Variants in TEX11 observed in about 807,000 individuals in gnomAD.
The protein encoded by TEX11 is testis-expressed protein 11.
TEX11 carries 7 observed loss-of-function variants against 84.4 expected under a neutral mutation model. The observed-to-expected ratio is 0.08, with a 90% CI of 0.05 to 0.16. TEX11 has a LOEUF of 0.16. Ranked by LOEUF, TEX11 falls within the 10% of genes least tolerant of loss-of-function variation. The pLI, the probability that TEX11 is intolerant of heterozygous loss-of-function variation, is 1.00. For synonymous variants in TEX11, 264 were observed against 222.8 expected (o/e 1.18, Z -1.64); for missense variants, 551 against 660.5 (o/e 0.83, Z 1.82).
intron 9 of TEX11, among the ~76,000 whole-genome samples, chrX:70,771,648 C>T (rs1474437134): frequency 1.8e-5 from 2 of 112,443 alleles, no homozygotes; most frequent in Non-Finnish European, 3.8e-5. Flanking sequence ...TTTTGTGATG[C>T]TTAAGATTTT....
intron 9 of TEX11, among the ~76,000 whole-genome samples, chrX:70,769,876 G>A (rs1438906380): frequency 9.0e-6 from 1 of 111,479 alleles, no homozygotes; most frequent in African/African-American, 3.3e-5. Flanking sequence ...TTAAAAATAA[G>A]CCTTGTATAG....
intron 4 of TEX11, among the ~76,000 whole-genome samples, chrX:70,869,309 GA>G (rs1218884533): frequency 1.2e-4 from 12 of 103,289 alleles, no homozygotes; most frequent in South Asian, 4.4e-4. Context: ...TCCTTACCTT[GA>G]AAAAAAAAAT....
intron 4 of TEX11, among the ~76,000 whole-genome samples, chrX:70,872,402 T>C (rs1349283299): frequency 8.9e-6 from 1 of 112,902 alleles, no homozygotes; most frequent in African/African-American, 3.2e-5. Flanking sequence ...TTCACAAAGA[T>C]AAATAGTTAG....
intron 13 of TEX11, among the ~76,000 whole-genome samples, chrX:70,685,365 CA>C (rs940357741): frequency 9.2e-6 from 1 of 108,778 alleles, no homozygotes; most frequent in Non-Finnish European, 1.9e-5. Flanking sequence ...GACTCTGTCT[CA>C]AAAAAAAATG....
chrX:70,840,211 G>A (rs1486007826), intron 7 of TEX11, among the ~76,000 whole-genome samples: 2 of 111,567 alleles, frequency 1.8e-5, no homozygotes, highest in East Asian at 5.6e-4. Flanking sequence ...AGGAAAAAAC[G>A]TTAAGGGCAG....
chrX:70,688,809 A>T (rs1031927324), intron 13 of TEX11, among the ~76,000 whole-genome samples: 14 of 104,478 alleles, frequency 1.3e-4, no homozygotes, highest in African/African-American at 2.1e-4. Flanking sequence ...TTGATATTTT[A>T]TATATATATA....
At chrX:70,668,575 G>T (rs1000503390) in intron 16 of TEX11, among the ~76,000 whole-genome samples, 1 of 111,987 alleles carries the variant, frequency 8.9e-6, no homozygotes, top group Non-Finnish European at 1.9e-5. Flanking sequence ...CACTAATCTG[G>T]CCATAAATGA....
intron 9 of TEX11, among the ~76,000 whole-genome samples, chrX:70,778,759 A>C (rs768996913): frequency 9.0e-6 from 1 of 111,500 alleles, no homozygotes; most frequent in African/African-American, 3.3e-5. Flanking sequence ...AAAATTTTGA[A>C]ATTTAAAAAA....
chrX:70,788,967 TATATATAGAG>T (rs1241043962), intron 9 of TEX11, among the ~76,000 whole-genome samples: 35 of 31,975 alleles, frequency 1.1e-3, no homozygotes, highest in East Asian at 2.9e-3. Context: ...TATATATATA[TATATATAGAG>T]AGAGAGAGAG....
intron 12 of TEX11, chrX:70,723,999 G>A (rs1278851264): frequency 1.6e-6 from 1 of 615,940 alleles, no homozygotes; most frequent in East Asian, 1.7e-4. Flanking sequence ...GCAACTTCGG[G>A]AGTATCTAGA....
At chrX:70,872,748 C>T (rs1395331385) in intron 4 of TEX11, among the ~76,000 whole-genome samples, 1 of 111,981 alleles carries the variant, frequency 8.9e-6, no homozygotes, top group Non-Finnish European at 1.9e-5. Flanking sequence ...CTCAGTAACT[C>T]ATTCCAATGT....
intron 11 of TEX11, among the ~76,000 whole-genome samples, chrX:70,733,707 G>A (rs181591545): frequency 9.0e-6 from 1 of 111,667 alleles, no homozygotes; most frequent in East Asian, 2.8e-4. Flanking sequence ...CTACTGGTCG[G>A]ACTGTAAACT....
intron 2 of TEX11, among the ~76,000 whole-genome samples, chrX:70,887,980 T>C (rs944026786): frequency 7.1e-5 from 8 of 113,204 alleles, no homozygotes; most frequent in Non-Finnish European, 7.5e-5. Flanking sequence ...CAAGGTGGTA[T>C]CTCTACGAGT....
intron 13 of TEX11, among the ~76,000 whole-genome samples, chrX:70,689,678 C>G (rs1236091991): frequency 1.8e-5 from 2 of 111,670 alleles, no homozygotes; most frequent in African/African-American, 6.5e-5. Flanking sequence ...TACATATTCC[C>G]AAGTCCGTAT....
At chrX:70,518,904 A>T in the TEX11 span, among the ~76,000 whole-genome samples, 4 of 111,550 alleles carry the variant, frequency 3.6e-5, no homozygotes, top group Non-Finnish European at 5.7e-5. Context: ...GTTGGTTTAA[A>T]GTCTGTTTTA....
chrX:70,837,282 G>A (rs1183755327), intron 7 of TEX11, among the ~76,000 whole-genome samples: 2 of 111,167 alleles, frequency 1.8e-5, no homozygotes, highest in Admixed American at 9.6e-5. Context: ...AACAGGGCTT[G>A]GCACGTTGAC....
At chrX:70,600,290 G>A (rs1197302472) in intron 24 of TEX11, among the ~76,000 whole-genome samples, 5 of 111,383 alleles carry the variant, frequency 4.5e-5, no homozygotes, top group South Asian at 3.9e-4. Flanking sequence ...ACATTTTTTC[G>A]TGTGTTTTTT....
At chrX:70,736,719 G>A (rs890207111) in intron 11 of TEX11, among the ~76,000 whole-genome samples, 4 of 111,455 alleles carry the variant, frequency 3.6e-5, no homozygotes, top group African/African-American at 1.3e-4. Flanking sequence ...ACATCTGGCT[G>A]ATGCCAATAA....
chrX:70,852,477 A>C (rs4844268), intron 7 of TEX11, among the ~76,000 whole-genome samples: 25,657 of 111,660 alleles, frequency 0.23, 2,199 homozygotes, highest in Middle Eastern at 0.31. Context: ...GGCACGAGCC[A>C]CCATGCCCAG....
Sources: allele counts gnomAD v4.1 joint callset (sites outside exome capture counted in the v4.1 genomes callset), GRCh38; gene constraint gnomAD v4.1.1; transcripts MANE v1.5; gene names NCBI Gene and HGNC (gene_info 2026-07-23, HGNC 2026-07-21).